The following MFHAS1 variants were observed in gnomAD, a reference collection of about 807,000 sequenced individuals.
MFHAS1 encodes the protein malignant fibrous histiocytoma-amplified sequence 1.
In MFHAS1, 50 loss-of-function variants were observed where a neutral mutation model predicts 70.4. The ratio of observed to expected loss-of-function variants is 0.71; its 90% confidence interval spans 0.57 to 0.90. The LOEUF is 0.90. Among genes scored for constraint, MFHAS1 ranks in the 40% least tolerant of loss-of-function variants. MFHAS1 has a pLI of 0.00. For missense variants in MFHAS1, 1,795 were observed against 1,347.6 expected, an observed-to-expected ratio of 1.33 and a Z score of -5.20; for synonymous variants, 952 against 620.0, an observed-to-expected ratio of 1.54 and a Z score of -7.96.
rs763807242 is a variant in MFHAS1, at chr8:8,784,732, G to A, written c.*1290C>T. On this transcript the variant is annotated 3_prime_UTR_variant, in exon 3 of 3. Coordinates refer to ENST00000276282, the MANE Select transcript of MFHAS1 (RefSeq NM_004225.3). The stretch of plus-strand genomic sequence containing the variant: ...TTTTATACATTTTCGATCAACCCAC[G>A]GAGGAGGCAAATGTAAACAGAGTTT... The A allele has an allele frequency of 1.3e-5, 2 of 152,152 alleles. No individual in the cohort carries two copies. Among genetic ancestry groups the A allele is most frequent in the Non-Finnish European group, 2.9e-5 (2 of 68,044 alleles). The allele number at this position is 152,152 out of a possible 1,614,324, so 9.4% of individuals were successfully genotyped here.
rs1274851720 is a variant in MFHAS1, at chr8:8,892,130, G to A, written c.929C>T (p.Ser310Leu). The A allele has an allele frequency of 1.1e-5, 18 of 1,612,370 alleles. No individual in the cohort carries two copies. The highest frequency in any genetic ancestry group is 1.4e-5 in the Non-Finnish European group (17 of 1,180,022). Residue 310 changes from serine to leucine, a missense_variant, in exon 1 of 3, where the codon TCG becomes TTG. Physicochemically the swap from Ser to Leu is moderately radical, Grantham distance 145. Coordinates refer to ENST00000276282, the MANE Select transcript of MFHAS1 (RefSeq NM_004225.3). This position sits in a 1 kb window ranked among gnomAD's most constrained non-coding sequence, Gnocchi z 4.7. ...CAGGCCCGAGATAAGGGATGGCACC[G>A]AGGTGAGCTGGTTGCGACTAAGGTA... ...ELYLSRNQLT[S>L]VPSLISGLGR...
intron 1 of MFHAS1, among the ~76,000 whole-genome samples, chr8:8,812,906 A>C (rs779811594): frequency 1.3e-5 from 2 of 152,146 alleles, no homozygotes; most frequent in Non-Finnish European, 2.9e-5. Flanking sequence ...AGCTGGGGTT[A>C]CAGGCGTGCA....
chr8:8,784,283 TGCACACACACACACACGGAGACGC>T lies in MFHAS1; in HGVS notation c.*1715_*1738del, dbSNP rs1805458259. The T allele has an allele frequency of 6.6e-6, 1 of 151,908 alleles. No individual in the cohort carries two copies. Among genetic ancestry groups the T allele is most frequent in the South Asian group, 2.1e-4 (1 of 4,818 alleles). 9.4% of individuals were successfully genotyped at this position (151,908 alleles called of 1,614,324 possible). A position where few individuals can be genotyped will look rare whatever the true frequency, so the allele number is the denominator to read the frequency against. On this transcript the variant is annotated 3_prime_UTR_variant, in exon 3 of 3. Transcript: ENST00000276282. ...ATGTGACCATTCAGTTTTACACACA[TGCACACACACACACACGGAGACGC>T]GCACACACACACGAGAACTGTGACA...
In MFHAS1 at chr8:8,892,548, C is replaced by A; in HGVS notation, c.511G>T (p.Ala171Ser). 1 of 1,599,078 alleles carries A rather than the reference C, an allele frequency of 6.3e-7. No homozygotes were observed. The stretch of plus-strand genomic sequence containing the variant: ...CAGGAGAGGGAGTCAGGCAGGTGCG[C>A]CAGCCGGTTAAAGCTGACATCCAGC... ...EELDVSFNRLAHLPDSLSCLS... is the reference protein window; with the variant it reads ...EELDVSFNRLSHLPDSLSCLS... The change falls in exon 1 of 3, where the codon GCG becomes TCG. Residue 171 changes from alanine (A) to serine (S), a missense_variant. Transcript: ENST00000276282. This position sits in a 1 kb window ranked among gnomAD's most constrained non-coding sequence, Gnocchi z 4.7.
At position 8,851,061 on chromosome 8, in the gene MFHAS1, G is replaced by C. The variant is rs561409513; in HGVS notation, c.2998+39000C>G. On this transcript the variant is annotated intron_variant, in intron 1 of 2. Coordinates refer to ENST00000276282, the MANE Select transcript of MFHAS1 (RefSeq NM_004225.3). ...TTATCACCCAAAAGTCTTACATAGG[G>C]TCACGTATATAAGCGTGCCTCAAGA... Among the ~76,000 whole-genome samples, 273 of 152,248 alleles carry C rather than the reference G, an allele frequency of 1.8e-3. 1 individual carries two copies. Among genetic ancestry groups the C allele is most frequent in the African/African-American group, 6.2e-3 (257 of 41,534 alleles).
intron 1 of MFHAS1, among the ~76,000 whole-genome samples, chr8:8,867,432 A>C (rs1187089908): frequency 1.3e-5 from 2 of 152,230 alleles, no homozygotes; most frequent in African/African-American, 2.4e-5. Context: ...GGTGTCGCAC[A>C]GAAAATTTTT....
intron 1 of MFHAS1, among the ~76,000 whole-genome samples, chr8:8,841,443 G>C (rs1382720084): frequency 6.6e-6 from 1 of 151,760 alleles, no homozygotes; most frequent in Non-Finnish European, 1.5e-5. Context: ...ACTACAGCCT[G>C]GGCGACAGAT....
At chr8:8,873,492 T>TTA (rs374070740) in intron 1 of MFHAS1, among the ~76,000 whole-genome samples, 4 of 151,578 alleles carry the variant, frequency 2.6e-5, no homozygotes, top group African/African-American at 4.8e-5. Context: ...TTTTTTTTTT[T>TTA]ACAGGTCAAA....
intron 1 of MFHAS1, among the ~76,000 whole-genome samples, chr8:8,863,995 C>A (rs930890173): frequency 3.3e-5 from 5 of 152,172 alleles, no homozygotes; most frequent in Non-Finnish European, 7.3e-5. Flanking sequence ...TGTTGACCAA[C>A]TCCTCTTCCT....
Position 8,891,674 on chromosome 8 carries a change from C to A in MFHAS1, c.1385G>T (p.Ser462Ile), listed in dbSNP as rs759487847. 1 of 1,613,598 alleles carries A rather than the reference C, an allele frequency of 6.2e-7. No individual in the cohort carries two copies. The highest frequency in any genetic ancestry group is 8.5e-7 in the Non-Finnish European group (1 of 1,180,026). The change falls in exon 1 of 3, where the codon AGC (serine) becomes ATC (isoleucine). Residue 462 changes from serine (S) to isoleucine (I), a missense_variant. By Grantham distance (142) the Ser-to-Ile change is moderately radical. Transcript: ENST00000276282. The surrounding 1 kb of genome is among the most constrained non-coding windows in gnomAD (Gnocchi z 5.4). Reference sequence around the variant, plus strand: ...GCCCCGGGAGGCATCGGCCGTCCAGCTGGTCACCTCGATGCCCTTGCTCAC... The same window carrying A: ...GCCCCGGGAGGCATCGGCCGTCCAGATGGTCACCTCGATGCCCTTGCTCAC... ...PPVSKGIEVT[S>I]WTADASRGLR...
chr8:8,827,198 G>T (rs1807195495), intron 1 of MFHAS1, among the ~76,000 whole-genome samples: 1 of 152,170 alleles, frequency 6.6e-6, no homozygotes, highest in African/African-American at 2.4e-5. Context: ...CCTACAGATG[G>T]TCATATAAGC....
rs1339359751 is a variant in MFHAS1 at position 8,803,281 on chromosome 8, G to A, written c.2999-5790C>T. 2.0e-5 allele frequency among the ~76,000 whole-genome samples: 3 copies of A among 151,118 alleles called. No homozygotes were observed. In the South Asian group the frequency reaches 6.3e-4, roughly 32 times the overall value. ...ATACCAGCACTTTGGGAGGCCGAGG[G>A]GTGGGGGCAGATCATTTGAGGTCAG... On this transcript the variant is annotated intron_variant, in intron 1 of 2. Coordinates refer to ENST00000276282, the MANE Select transcript of MFHAS1 (RefSeq NM_004225.3).
At chr8:8,799,664 G>A (rs1328451586) in intron 1 of MFHAS1, among the ~76,000 whole-genome samples, 5 of 152,220 alleles carry the variant, frequency 3.3e-5, no homozygotes, top group African/African-American at 9.7e-5. Flanking sequence ...GCTGAGGCAT[G>A]AGAATCACTT....
At chr8:8,875,487 A>G (rs1421112356) in intron 1 of MFHAS1, among the ~76,000 whole-genome samples, 1 of 152,262 alleles carries the variant, frequency 6.6e-6, no homozygotes, top group Non-Finnish European at 1.5e-5. Context: ...ACATATTTTT[A>G]AAACCTAAGC....
chr8:8,794,414 A>G (rs1314546610), intron 2 of MFHAS1, among the ~76,000 whole-genome samples: 1 of 152,130 alleles, frequency 6.6e-6, no homozygotes, highest in African/African-American at 2.4e-5. Context: ...TCAACCACCC[A>G]TGAATGGGAC....
At position 8,891,344 on chromosome 8, in the gene MFHAS1, A is replaced by G. The variant is rs1468311945; in HGVS notation, c.1715T>C (p.Leu572Ser). The G allele has an allele frequency of 1.2e-6, 2 of 1,611,092 alleles. No homozygotes were observed. The highest frequency in any genetic ancestry group is 2.7e-5 in the African/African-American group (2 of 74,946). Residue 572 changes from leucine to serine, a missense_variant, in exon 1 of 3, where the codon TTG (leucine) becomes TCG (serine). Coordinates refer to ENST00000276282, the MANE Select transcript of MFHAS1 (RefSeq NM_004225.3). The surrounding 1 kb of genome is among the most constrained non-coding windows in gnomAD (Gnocchi z 5.4). ...CAGTGCCTCGTCCACCACCTTGGCC[A>G]AGCGGCTCAGTCCCTCCGCGTCGTG... ...EKHDAEGLSR[L>S]AKVVDEALAR...
chr8:8,810,685 A>G (rs575891969), intron 1 of MFHAS1, among the ~76,000 whole-genome samples: 1 of 152,368 alleles, frequency 6.6e-6, no homozygotes, highest in East Asian at 1.9e-4. Flanking sequence ...CTGATGAACT[A>G]CTGATGTTAT....
At chr8:8,852,687 T>C (rs1320326069) in intron 1 of MFHAS1, among the ~76,000 whole-genome samples, 2 of 152,210 alleles carry the variant, frequency 1.3e-5, no homozygotes, top group African/African-American at 2.4e-5. Context: ...TTAATAACCA[T>C]GCATTAATTC....
intron 1 of MFHAS1, among the ~76,000 whole-genome samples, chr8:8,830,945 T>G (rs562947117): frequency 6.6e-6 from 1 of 152,194 alleles, no homozygotes; most frequent in African/African-American, 2.4e-5. Flanking sequence ...TTGCTCTTTG[T>G]CTTAGTCTGC....
Sources: gnomAD v4.1 joint callset for allele counts (sites outside exome capture counted in the v4.1 genomes callset) on GRCh38, gnomAD v4.1.1 for gene constraint, Gnocchi (gnomAD v3.1) non-coding constraint, MANE v1.5 for transcripts, NCBI Gene and HGNC (gene_info 2026-07-23, HGNC 2026-07-21) for gene names.